The following RIMS2 variants were observed in gnomAD, a reference collection of about 807,000 sequenced individuals.
RIMS2 encodes the protein regulating synaptic membrane exocytosis 2, also known as regulating synaptic membrane exocytosis protein 2.
Under a neutral mutation model 174.4 loss-of-function variants are expected in RIMS2, and 59 were observed. The ratio of observed to expected loss-of-function variants is 0.34; its 90% CI spans 0.27 to 0.42. RIMS2 has a LOEUF of 0.42. Ranked by LOEUF, RIMS2 falls within the 10% of genes least tolerant of loss-of-function variation. The probability of loss-of-function intolerance (pLI) is 1.00; values close to 1 mark genes in which losing one functional copy is unlikely to be tolerated. For missense variants in RIMS2, 1,620 were observed against 1,666.3 expected (o/e 0.97, Z 0.48); for synonymous variants, 606 against 572.5 (o/e 1.06, Z -0.84).
intron 19 of RIMS2, among the ~76,000 whole-genome samples, chr8:104,171,116 T>C (rs1268069268): frequency 1.1e-4 from 17 of 152,162 alleles, no homozygotes; most frequent in Admixed American, 1.0e-3. Context: ...ACTATGTGCC[T>C]TGGTGGTGAT....
Position 104,238,215 on chromosome 8 carries a change from G to A in RIMS2, c.3335-6701G>A, listed in dbSNP as rs142644296. 9.9e-3 allele frequency among the ~76,000 whole-genome samples: 1,504 copies of A among 151,386 alleles called. 20 individuals carry two copies. The highest frequency in any genetic ancestry group is 0.033 in the African/African-American group (1,354 of 41,026). ...AACACAGAACAGAAAACCAAACACC[G>A]CATGTTCTCACTCATAAGTGGGATT... On this transcript the variant is annotated intron_variant, in intron 19 of 23. Transcript: ENST00000504942.
chr8:103,529,569 G>A (rs1260458034), intron 1 of RIMS2, among the ~76,000 whole-genome samples: 1 of 152,216 alleles, frequency 6.6e-6, no homozygotes, highest in East Asian at 1.9e-4. Flanking sequence ...GACCCCTTCT[G>A]CTTCCCGGGT....
At chr8:104,137,790 A>G (rs2098533410) in intron 19 of RIMS2, among the ~76,000 whole-genome samples, 1 of 152,198 alleles carries the variant, frequency 6.6e-6, no homozygotes, top group Non-Finnish European at 1.5e-5. Context: ...CTTACAAACA[A>G]TCCAGTTATA....
rs193086038 is a variant in RIMS2, at chr8:103,808,660, A to T, written c.698+42123A>T. Among the ~76,000 whole-genome samples, 35 of 152,220 alleles carry T rather than the reference A, an allele frequency of 2.3e-4. No homozygotes were observed. The East Asian group carries it at 5.8e-3, about 25-fold the overall frequency. ...GTCTCAGCAAATTTTAAGACTGTCT[A>T]CTTGGTACTTAAGAGATAAATCTAA... On this transcript the variant is annotated intron_variant, in intron 3 of 23. Transcript: ENST00000504942.
At chr8:104,255,733 C>G (rs922290434), downstream of RIMS2, 1 of 152,240 alleles carries the variant, frequency 6.6e-6, no homozygotes, top group African/African-American at 2.4e-5. Context: ...TGTCTCAACT[C>G]CCTCAGCTCG....
chr8:103,751,172 C>T (rs2097885342), intron 2 of RIMS2, among the ~76,000 whole-genome samples: 1 of 152,132 alleles, frequency 6.6e-6, no homozygotes, highest in African/African-American at 2.4e-5. Flanking sequence ...TCTCAGTTCC[C>T]ACGCATGAGT....
chr8:103,543,894 A>G (rs1313909336), intron 1 of RIMS2, among the ~76,000 whole-genome samples: 1 of 152,222 alleles, frequency 6.6e-6, no homozygotes. Context: ...TTAGAGGACA[A>G]CATAGCAGAA....
intron 3 of RIMS2, among the ~76,000 whole-genome samples, chr8:103,775,462 C>A (rs2098303966): frequency 6.6e-6 from 1 of 152,004 alleles, no homozygotes; most frequent in Non-Finnish European, 1.5e-5. Flanking sequence ...GATATTTCTT[C>A]TTATACTTTT....
chr8:104,202,134 A>C (rs1379027472), intron 19 of RIMS2, among the ~76,000 whole-genome samples: 1 of 152,182 alleles, frequency 6.6e-6, no homozygotes, highest in East Asian at 1.9e-4. Flanking sequence ...CATATGTAAA[A>C]ATGCAATAAC....
At chr8:104,221,062 A>G (rs2099152595) in intron 19 of RIMS2, among the ~76,000 whole-genome samples, 2 of 152,122 alleles carry the variant, frequency 1.3e-5, no homozygotes, top group Non-Finnish European at 2.9e-5. Context: ...AAACTTGCCC[A>G]TTTCTCCGAG....
chr8:103,999,019 TTTA>T (rs1361007759), intron 17 of RIMS2, among the ~76,000 whole-genome samples: 2 of 151,652 alleles, frequency 1.3e-5, no homozygotes, highest in African/African-American at 4.8e-5. Context: ...TGTATGGAGA[TTTA>T]GAGATTTGAG....
At chr8:104,019,193 G>A (rs1408216828) in intron 19 of RIMS2, among the ~76,000 whole-genome samples, 1 of 152,018 alleles carries the variant, frequency 6.6e-6, no homozygotes, top group Non-Finnish European at 1.5e-5. Flanking sequence ...GCGAGACTGT[G>A]TCTCAAAAAA....
At chr8:103,837,426 G>C (rs1199401269) in intron 3 of RIMS2, among the ~76,000 whole-genome samples, 1 of 152,146 alleles carries the variant, frequency 6.6e-6, no homozygotes, top group African/African-American at 2.4e-5. Context: ...ACAACGTGCA[G>C]GTTAGTTACA....
chr8:103,853,796 T>C (rs1304864202), intron 3 of RIMS2, among the ~76,000 whole-genome samples: 3 of 152,170 alleles, frequency 2.0e-5, no homozygotes, highest in Non-Finnish European at 4.4e-5. Context: ...AATTATTGCA[T>C]AGTTTGAAGT....
At chr8:104,087,209 A>G (rs2097550714) in intron 19 of RIMS2, among the ~76,000 whole-genome samples, 1 of 152,246 alleles carries the variant, frequency 6.6e-6, no homozygotes. Flanking sequence ...AAATCATTCC[A>G]TTCATTTTGA....
At chr8:104,192,390 CAA>C (rs2099002498) in intron 19 of RIMS2, among the ~76,000 whole-genome samples, 1 of 152,078 alleles carries the variant, frequency 6.6e-6, no homozygotes, top group African/African-American at 2.4e-5. Flanking sequence ...AAAAGCATAA[CAA>C]TCATATTTTG....
intron 19 of RIMS2, among the ~76,000 whole-genome samples, chr8:104,119,846 G>A (rs935026904): frequency 6.6e-6 from 1 of 151,964 alleles, no homozygotes; most frequent in African/African-American, 2.4e-5. Context: ...CCTTCAAAAG[G>A]GACACATCTT....
chr8:104,184,500 T>G (rs1397840586), intron 19 of RIMS2, among the ~76,000 whole-genome samples: 1 of 151,580 alleles, frequency 6.6e-6, no homozygotes, highest in South Asian at 2.1e-4. Flanking sequence ...AACAATGTTT[T>G]TATTGAAAAG....
chr8:103,504,735 G>A (rs1250886949), intron 1 of RIMS2, among the ~76,000 whole-genome samples: 4 of 151,582 alleles, frequency 2.6e-5, no homozygotes, highest in Non-Finnish European at 5.9e-5. Flanking sequence ...CATATATAGT[G>A]AGCAGTTCTC....
Sources: allele counts gnomAD v4.1 joint callset (sites outside exome capture counted in the v4.1 genomes callset), GRCh38; gene constraint gnomAD v4.1.1; transcripts MANE v1.5; gene names NCBI Gene and HGNC (gene_info 2026-07-23, HGNC 2026-07-21).